Variants in TOP6BL observed in about 807,000 individuals in gnomAD.
The protein encoded by TOP6BL is TOP6B like initiator of meiotic double strand breaks, also known as type 2 DNA topoisomerase 6 subunit B-like.
chr11:66,762,161 AAATC>A, the TOP6BL span: 2 of 818,340 alleles, frequency 2.4e-6, no homozygotes, highest in East Asian at 2.5e-5. Context: ...ATCACTCAGG[AAATC>A]AATCAAAGCT....
chr11:66,821,480 G>C, the TOP6BL span, among the ~76,000 whole-genome samples: 2 of 152,018 alleles, frequency 1.3e-5, no homozygotes, highest in Non-Finnish European at 2.9e-5. Context: ...GTGGAGACGG[G>C]GTTTCACCGT....
chr11:66,789,985 G>GA, the TOP6BL span, among the ~76,000 whole-genome samples: 1 of 152,118 alleles, frequency 6.6e-6, no homozygotes, highest in Non-Finnish European at 1.5e-5. Context: ...TATGTTACTT[G>GA]ATCCTGGCTG....
At chr11:66,804,058 A>G in the TOP6BL span, 1 of 1,614,070 alleles carries the variant, frequency 6.2e-7, no homozygotes, top group Non-Finnish European at 8.5e-7. Flanking sequence ...TAGGACATCC[A>G]GTAATGCTTT....
chr11:66,838,452 T>A, the TOP6BL span: 6 of 1,612,872 alleles, frequency 3.7e-6, no homozygotes, highest in South Asian at 2.2e-5. Context: ...GCAGGTAAGG[T>A]TTTAGCTTTT....
At chr11:66,817,307 GGT>G in the TOP6BL span, among the ~76,000 whole-genome samples, 1 of 152,074 alleles carries the variant, frequency 6.6e-6, no homozygotes, top group South Asian at 2.1e-4. Context: ...GGGAACCTTT[GGT>G]GTTTATCTAT....
chr11:66,757,729 G>A, the TOP6BL span, among the ~76,000 whole-genome samples: 9 of 152,112 alleles, frequency 5.9e-5, no homozygotes, highest in African/African-American at 2.2e-4. Context: ...TGGGATTACA[G>A]GCGCCTGCCA....
At chr11:66,843,120 A>T in the TOP6BL span, 1 of 1,603,024 alleles carries the variant, frequency 6.2e-7, no homozygotes, top group Non-Finnish European at 8.5e-7. Context: ...GGTGCAGGCC[A>T]CGGGCCGCTG....
the TOP6BL span, among the ~76,000 whole-genome samples, chr11:66,746,995 G>A: frequency 5.3e-5 from 8 of 151,448 alleles, no homozygotes; most frequent in Non-Finnish European, 8.8e-5. Flanking sequence ...GGAGCGCAGT[G>A]ACCCAATCTT....
At chr11:66,817,557 GC>G in the TOP6BL span, among the ~76,000 whole-genome samples, 1 of 152,042 alleles carries the variant, frequency 6.6e-6, no homozygotes, top group Admixed American at 6.6e-5. Flanking sequence ...TCCTGCCTCA[GC>G]CTCCTGAGTA....
chr11:66,800,410 A>G, the TOP6BL span, among the ~76,000 whole-genome samples: 1 of 152,224 alleles, frequency 6.6e-6, no homozygotes, highest in African/African-American at 2.4e-5. Flanking sequence ...AAATGCTAGT[A>G]AGTTATGTGA....
At chr11:66,758,302 C>CTTCTTT in the TOP6BL span, 37 of 67,322 alleles carry the variant, frequency 5.5e-4, no homozygotes, top group African/African-American at 2.5e-3. Context: ...TTTTCTTTTT[C>CTTCTTT]TTTTTTTTTT....
the TOP6BL span, among the ~76,000 whole-genome samples, chr11:66,787,652 G>C: frequency 1.3e-5 from 2 of 150,890 alleles, no homozygotes; most frequent in Non-Finnish European, 2.9e-5. Context: ...CCCAGGAGGC[G>C]GATGTTGCAG....
the TOP6BL span, among the ~76,000 whole-genome samples, chr11:66,797,190 G>A: frequency 6.6e-6 from 1 of 151,606 alleles, no homozygotes; most frequent in African/African-American, 2.4e-5. Context: ...AGTAGAGACA[G>A]GGTTTCACTG....
the TOP6BL span, chr11:66,843,477 G>A: frequency 4.1e-6 from 6 of 1,447,058 alleles, no homozygotes; most frequent in Non-Finnish European, 5.4e-6. Flanking sequence ...GGGCGGGGAT[G>A]GGCTGCGACT....
chr11:66,815,957 C>G, the TOP6BL span: 1 of 1,252,288 alleles, frequency 8.0e-7, no homozygotes, highest in Non-Finnish European at 1.1e-6. Context: ...CTCCTATTCT[C>G]AGATCCTTCT....
the TOP6BL span, among the ~76,000 whole-genome samples, chr11:66,824,617 C>T: frequency 1.6e-5 from 2 of 128,152 alleles, no homozygotes; most frequent in South Asian, 5.8e-4. Context: ...CCACAACAGG[C>T]CCTGGTGTGT....
chr11:66,816,097 G>A, the TOP6BL span: 1 of 1,605,304 alleles, frequency 6.2e-7, no homozygotes, highest in South Asian at 1.1e-5. Flanking sequence ...ATCCAGTGAG[G>A]AGGATCAGTC....
At chr11:66,820,189 T>C in the TOP6BL span, among the ~76,000 whole-genome samples, 1 of 152,210 alleles carries the variant, frequency 6.6e-6, no homozygotes, top group East Asian at 1.9e-4. Context: ...ATGGCAGAAT[T>C]GGCCCTAGAA....
the TOP6BL span, among the ~76,000 whole-genome samples, chr11:66,799,004 C>G: frequency 6.6e-6 from 1 of 151,726 alleles, no homozygotes; most frequent in African/African-American, 2.4e-5. Context: ...GTCAGGAGTT[C>G]GAGACCAGCC....
Sources: allele counts gnomAD v4.1 joint callset (sites outside exome capture counted in the v4.1 genomes callset), GRCh38; gene constraint gnomAD v4.1.1; transcripts MANE v1.5; gene names NCBI Gene and HGNC (gene_info 2026-07-23, HGNC 2026-07-21).